Variants in MAGI2 observed in about 807,000 individuals in gnomAD.
MAGI2 encodes membrane-associated guanylate kinase, WW and PDZ domain-containing protein 2.
Under a neutral mutation model 133.3 loss-of-function variants are expected in MAGI2, and 35 were observed. The observed-to-expected ratio is 0.26, with a 90% CI of 0.20 to 0.35. The LOEUF is 0.35. Among genes scored for constraint, MAGI2 ranks in the 10% least tolerant of loss-of-function variants. MAGI2 has a pLI of 1.00. For synonymous variants in MAGI2, 729 were observed against 710.6 expected, an observed-to-expected ratio of 1.03 and a Z score of -0.41; for missense variants, 1,636 against 1,863.4, an observed-to-expected ratio of 0.88 and a Z score of 2.25.
intron 1 of MAGI2, among the ~76,000 whole-genome samples, chr7:79,179,884 C>G (rs1214536452): frequency 6.6e-6 from 1 of 151,902 alleles, no homozygotes; most frequent in African/African-American, 2.4e-5. Context: ...ATGGTTAAGA[C>G]AGAAAAGCGC....
At chr7:78,393,988 G>A (rs1220860760) in intron 6 of MAGI2, among the ~76,000 whole-genome samples, 1 of 152,056 alleles carries the variant, frequency 6.6e-6, no homozygotes, top group Non-Finnish European at 1.5e-5. Context: ...TAAAGCTAGA[G>A]AACCAGAAAA....
rs1166780019 is a variant in MAGI2 at position 78,794,616 on chromosome 7, AC to A, written c.419-167378del. On this transcript the variant is annotated intron_variant, in intron 2 of 21. Transcript: ENST00000354212. ...GTTCATGCAAAAGAAAAAAAAAAAA[AC>A]AATCCAAATTCTAAAGGAATATTTA... is the stretch of plus-strand genomic sequence containing the variant. 1.5e-3 allele frequency among the ~76,000 whole-genome samples: 228 copies of A among 150,120 alleles called. 2 individuals are homozygous for A. Among genetic ancestry groups the A allele is most frequent in the Admixed American group, 1.7e-3 (26 of 15,106 alleles).
At chr7:79,287,802 C>G (rs6974095) in intron 1 of MAGI2, among the ~76,000 whole-genome samples, 128,173 of 152,110 alleles carry the variant, frequency 0.84, 54,076 homozygotes, top group Middle Eastern at 0.86. Flanking sequence ...TAATAGATTA[C>G]CAGACATTTA....
intron 6 of MAGI2, among the ~76,000 whole-genome samples, chr7:78,426,165 T>C (rs1799256383): frequency 6.6e-6 from 1 of 152,090 alleles, no homozygotes; most frequent in African/African-American, 2.4e-5. Context: ...AATTCAGAAC[T>C]AAAAATTATA....
At chr7:78,546,660 G>A (rs11525066) in intron 3 of MAGI2, among the ~76,000 whole-genome samples, 9,421 of 139,588 alleles carry the variant, frequency 0.067, 386 homozygotes, top group Non-Finnish European at 0.095. Flanking sequence ...TATCACACCC[G>A]TTGTCAAAGA....
chr7:79,210,729 T>C (rs1829431857), intron 1 of MAGI2, among the ~76,000 whole-genome samples: 1 of 152,118 alleles, frequency 6.6e-6, no homozygotes, highest in East Asian at 1.9e-4. Flanking sequence ...TTTTTTCTAC[T>C]CCTTCACATG....
At chr7:78,637,309 T>A (rs1809773900) in intron 2 of MAGI2, among the ~76,000 whole-genome samples, 1 of 152,212 alleles carries the variant, frequency 6.6e-6, no homozygotes, top group Non-Finnish European at 1.5e-5. Flanking sequence ...TCCTTATAAA[T>A]ATCTTTATTA....
At chr7:78,750,065 T>C (rs55795881) in intron 2 of MAGI2, among the ~76,000 whole-genome samples, 9,992 of 152,154 alleles carry the variant, frequency 0.066, 373 homozygotes, top group Admixed American at 0.11. Flanking sequence ...TGGTATGTGA[T>C]GTTCCCCTCC....
chr7:79,002,683 GA>G (rs564072742), intron 2 of MAGI2, among the ~76,000 whole-genome samples: 2,775 of 148,244 alleles, frequency 0.019, 88 homozygotes, highest in African/African-American at 0.063. Flanking sequence ...GCTTCAATGA[GA>G]AAAAAAAAAT....
intron 2 of MAGI2, among the ~76,000 whole-genome samples, chr7:78,831,095 C>G (rs1791106841): frequency 6.6e-6 from 1 of 152,034 alleles, no homozygotes. Flanking sequence ...AAATTCAGAG[C>G]AAGGACATAA....
intron 1 of MAGI2, among the ~76,000 whole-genome samples, chr7:79,111,975 G>A (rs1818967522): frequency 6.6e-6 from 1 of 151,838 alleles, no homozygotes; most frequent in Admixed American, 6.6e-5. Flanking sequence ...CCCATATAGA[G>A]ATTTTAACTC....
At chr7:78,507,233 T>G (rs1429784236) in intron 4 of MAGI2, among the ~76,000 whole-genome samples, 1 of 152,082 alleles carries the variant, frequency 6.6e-6, no homozygotes, top group African/African-American at 2.4e-5. Flanking sequence ...CAAATAAAGA[T>G]CCATAACATT....
At chr7:79,179,487 A>G (rs954425132) in intron 1 of MAGI2, among the ~76,000 whole-genome samples, 7 of 152,050 alleles carry the variant, frequency 4.6e-5, no homozygotes, top group East Asian at 1.9e-4. Context: ...GAACAAAAAG[A>G]ATAAAGTTGG....
intron 3 of MAGI2, among the ~76,000 whole-genome samples, chr7:78,573,291 A>AAATATATATATATTTAT (rs1801853615): frequency 1.9e-5 from 1 of 53,358 alleles, no homozygotes; most frequent in Non-Finnish European, 3.0e-5. Flanking sequence ...TATTTATATA[A>AAATATATATATATTTAT]ATATATATAT....
chr7:78,456,473 T>C (rs992595785), intron 6 of MAGI2, among the ~76,000 whole-genome samples: 3 of 152,154 alleles, frequency 2.0e-5, no homozygotes, highest in Admixed American at 1.3e-4. Context: ...ACTGAGCACA[T>C]ACTCTAGGCT....
At chr7:79,307,673 C>T (rs10245074) in intron 1 of MAGI2, among the ~76,000 whole-genome samples, 151,556 of 152,330 alleles carry the variant, frequency 0.99, 75,403 homozygotes, top group Middle Eastern at 1. Flanking sequence ...AAGATAAATG[C>T]TGGAATCCTA....
chr7:79,061,876 G>C (rs1033535730), intron 1 of MAGI2, among the ~76,000 whole-genome samples: 14 of 152,130 alleles, frequency 9.2e-5, no homozygotes, highest in African/African-American at 3.1e-4. Flanking sequence ...TCAAATACCT[G>C]CTCCACCTTA....
chr7:78,751,601 C>G (rs940216634), intron 2 of MAGI2, among the ~76,000 whole-genome samples: 4 of 152,200 alleles, frequency 2.6e-5, no homozygotes, highest in African/African-American at 9.7e-5. Flanking sequence ...ACCTTAGGAA[C>G]AGACTGCATG....
rs555962277 is a variant in MAGI2, at chr7:78,285,378, A to AT, written c.1409-28798dup. On this transcript the variant is annotated intron_variant, in intron 9 of 21. Coordinates refer to ENST00000354212, the MANE Select transcript of MAGI2 (RefSeq NM_012301.4). ...TCCAATAAATGAACAAAACAATTCA[A>AT]TTTTTTGAATGCTTCCTATTTGTGA... Among the ~76,000 whole-genome samples, 4 of 152,230 alleles carry AT rather than the reference A, an allele frequency of 2.6e-5. No homozygotes were observed. The South Asian group carries it at 8.3e-4, about 32-fold the overall frequency.
Sources: allele counts gnomAD v4.1 joint callset (sites outside exome capture counted in the v4.1 genomes callset), GRCh38; gene constraint gnomAD v4.1.1; transcripts MANE v1.5; gene names NCBI Gene and HGNC (gene_info 2026-07-23, HGNC 2026-07-21).